The following LAMA1 variants were observed in gnomAD, a reference collection of about 807,000 sequenced individuals.
LAMA1 encodes the protein laminin subunit alpha-1.
A neutral mutation model predicts 348.7 loss-of-function variants in LAMA1; 219 were observed. That is an observed-to-expected ratio of 0.63 (90% CI 0.56 to 0.70). The LOEUF is 0.70. LAMA1 is among the 30% of genes least tolerant of loss of function. The pLI, the probability that LAMA1 is intolerant of heterozygous loss-of-function variation, is 0.00. For synonymous variants in LAMA1, 1,487 were observed against 1,491.0 expected (o/e 1.00, Z 0.06); for missense variants, 3,744 against 3,888.0 (o/e 0.96, Z 0.99).
At position 6,999,957 on chromosome 18, in the gene LAMA1, G is replaced by A. The variant is rs988832361; in HGVS notation, c.4423C>T (p.Arg1475Cys). 8 of 1,614,014 alleles carry A rather than the reference G, an allele frequency of 5.0e-6. No homozygotes were observed. Among genetic ancestry groups the A allele is most frequent in the Non-Finnish European group, 5.9e-6 (7 of 1,179,948 alleles). ...TCVLEGDHDF[R>C]CDACLLGYEG... ...TAGCCCAGGAGACAGGCGTCACAACGGAAATCGTGGTCCCCTTCCAAGACA... is the reference window on the plus strand; with the variant it reads ...TAGCCCAGGAGACAGGCGTCACAACAGAAATCGTGGTCCCCTTCCAAGACA... Residue 1475 changes from arginine (R) to cysteine (C), a missense_variant, in exon 31 of 63, where the codon CGT becomes TGT. Coordinates refer to ENST00000389658, the MANE Select transcript of LAMA1 (RefSeq NM_005559.4).
chr18:7,056,009 G>A (rs1598299759), intron 3 of LAMA1, among the ~76,000 whole-genome samples: 1 of 151,984 alleles, frequency 6.6e-6, no homozygotes, highest in East Asian at 1.9e-4. Flanking sequence ...GAACCCGGGA[G>A]GCAGAGCTTG....
chr18:7,008,586 C>T lies in LAMA1; in HGVS notation c.4024G>A (p.Val1342Ile). The T allele has an allele frequency of 1.2e-6, 2 of 1,614,038 alleles. No individual in the cohort carries two copies. Among genetic ancestry groups the T allele is most frequent in the East Asian group, 2.2e-5 (1 of 44,868 alleles). ...QSRISDISME[V>I]GRKAEKLHPE... ...TGCAGCTTTTCAGCCTTTCTGCCAACCTCCATTGAAATGTCTGAGATTCTG... is the reference window on the plus strand; with the variant it reads ...TGCAGCTTTTCAGCCTTTCTGCCAATCTCCATTGAAATGTCTGAGATTCTG... The change falls in exon 28 of 63, where the codon GTT becomes ATT. Residue 1342 changes from valine to isoleucine, a missense_variant. Transcript: ENST00000389658.
At chr18:6,976,980 A>G (rs1407398840) in intron 44 of LAMA1, among the ~76,000 whole-genome samples, 1 of 152,194 alleles carries the variant, frequency 6.6e-6, no homozygotes, top group Non-Finnish European at 1.5e-5. Flanking sequence ...TTCCTTTTCC[A>G]ATAGCAAGGA....
chr18:6,999,626 G>T lies in LAMA1; in HGVS notation c.4482C>A (p.Ser1494Arg). Reference sequence around the variant, plus strand: ...CTGGTGTTTGAGGGTTCCCATAATAGCTTGAGGAGCACCTACAGAAAGGAA... The same window carrying T: ...CTGGTGTTTGAGGGTTCCCATAATATCTTGAGGAGCACCTACAGAAAGGAA... ...EGKHCERCSSSYYGNPQTPGG... is the reference protein window; with the variant it reads ...EGKHCERCSSRYYGNPQTPGG... The change falls in exon 32 of 63, where the codon AGC (serine) becomes AGA (arginine). Residue 1494 changes from serine (S) to arginine (R), a missense_variant. Ser to Arg is a moderately radical substitution (Grantham distance 110). Coordinates refer to ENST00000389658, the MANE Select transcript of LAMA1 (RefSeq NM_005559.4). 2 of 1,612,024 alleles carry T rather than the reference G, an allele frequency of 1.2e-6. No homozygotes were observed. The highest frequency in any genetic ancestry group is 1.1e-5 in the South Asian group (1 of 90,692).
At chr18:6,944,316 C>G (rs556944625) in intron 61 of LAMA1, among the ~76,000 whole-genome samples, 2 of 152,138 alleles carry the variant, frequency 1.3e-5, no homozygotes, top group African/African-American at 4.8e-5. Context: ...GCACCTGGCC[C>G]GGTCATACCT....
At chr18:6,948,373 A>T (rs1188496093) in intron 60 of LAMA1, 30 bp downstream of exon 60, 1 of 1,614,026 alleles carries the variant, frequency 6.2e-7, no homozygotes, top group African/African-American at 1.3e-5. Flanking sequence ...TCATTCGGGG[A>T]CTGCCTTCGA....
intron 3 of LAMA1, among the ~76,000 whole-genome samples, chr18:7,053,996 C>T (rs560921794): frequency 5.9e-5 from 9 of 152,210 alleles, no homozygotes; most frequent in African/African-American, 1.9e-4. Flanking sequence ...GTCTCAAACT[C>T]CTGGGCTCAA....
intron 3 of LAMA1, among the ~76,000 whole-genome samples, chr18:7,072,730 G>A (rs1389043508): frequency 6.6e-6 from 1 of 152,124 alleles, no homozygotes; most frequent in East Asian, 1.9e-4. Context: ...TGTTTCTGTT[G>A]GTATACTGGT....
chr18:6,955,052 AAT>A, intron 57 of LAMA1: 1 of 421,516 alleles, frequency 2.4e-6, no homozygotes, highest in Non-Finnish European at 4.4e-6. Context: ...AAGTCCAGAC[AAT>A]AATAGATCCA....
At chr18:6,965,571 CT>C (rs1368482533) in intron 49 of LAMA1, 139 bp from the exon 50 acceptor site, 6 of 921,132 alleles carry the variant, frequency 6.5e-6, no homozygotes, top group Non-Finnish European at 1.0e-5. Context: ...GGTCTATCGG[CT>C]ACGAAACCAA....
chr18:7,007,946 T>TC (rs1410863942), intron 28 of LAMA1, among the ~76,000 whole-genome samples: 16 of 152,068 alleles, frequency 1.1e-4, no homozygotes, highest in African/African-American at 3.1e-4. Context: ...TATTTATTTA[T>TC]TTTTGAGACG....
chr18:7,117,251 G>C (rs940464104), intron 1 of LAMA1, among the ~76,000 whole-genome samples: 1 of 151,598 alleles, frequency 6.6e-6, no homozygotes, highest in Non-Finnish European at 1.5e-5. Context: ...CCCCGCGCCC[G>C]GCCAACAGCC....
intron 1 of LAMA1, among the ~76,000 whole-genome samples, chr18:7,085,179 T>G (rs1319108895): frequency 6.6e-6 from 1 of 152,108 alleles, no homozygotes; most frequent in African/African-American, 2.4e-5. Context: ...TTTTCCAGAA[T>G]GAAACAAGAG....
chr18:7,007,342 C>G (rs982324276), intron 28 of LAMA1, 66 bp from the exon 29 acceptor site: 41 of 1,508,782 alleles, frequency 2.7e-5, no homozygotes, highest in African/African-American at 4.1e-5. Flanking sequence ...CTTGAATAGA[C>G]ACTTCTCCAA....
intron 36 of LAMA1, among the ~76,000 whole-genome samples, chr18:6,990,255 G>A (rs184027311): frequency 1.6e-4 from 24 of 152,266 alleles, no homozygotes; most frequent in African/African-American, 5.1e-4. Flanking sequence ...TCCCCTGTAT[G>A]TTCCCAACTC....
chr18:7,101,972 C>T lies in LAMA1; in HGVS notation c.61+15688G>A, dbSNP rs368968390. On this transcript the variant is annotated intron_variant, in intron 1 of 62. Transcript: ENST00000389658. Reference sequence around the variant, plus strand: ...GAGATTATAGGTGTGACCACCACATCTGGCCCCTACAACAGTGACCAAAGG... The same window carrying T: ...GAGATTATAGGTGTGACCACCACATTTGGCCCCTACAACAGTGACCAAAGG... Among the ~76,000 whole-genome samples, 260 of 152,048 alleles carry T rather than the reference C, an allele frequency of 1.7e-3. 1 individual carries two copies. Among genetic ancestry groups the T allele is most frequent in the African/African-American group, 6.0e-3 (247 of 41,476 alleles).
chr18:7,099,282 G>C (rs868769450), intron 1 of LAMA1, among the ~76,000 whole-genome samples: 31 of 150,588 alleles, frequency 2.1e-4, no homozygotes, highest in South Asian at 2.1e-4. Flanking sequence ...TGCTCGTTAA[G>C]AGTCATCACC....
intron 48 of LAMA1, among the ~76,000 whole-genome samples, chr18:6,966,982 T>C (rs1486704742): frequency 6.6e-6 from 1 of 152,204 alleles, no homozygotes; most frequent in Non-Finnish European, 1.5e-5. Context: ...ATCATAATTA[T>C]GTTCCAAAAA....
Position 6,961,757 on chromosome 18 carries a change from G to A in LAMA1, c.7455C>T (p.Pro2485=). 1 of 1,614,150 alleles carries A rather than the reference G, an allele frequency of 6.2e-7. No individual in the cohort carries two copies. The highest frequency in any genetic ancestry group is 8.5e-7 in the Non-Finnish European group (1 of 1,180,018). ...CTTTCAGGAAGCTAACACTCCGGAT[G>A]GGCTGGACACAGAGGAGATGGAACA... ...YGVRKGCLLE[P]IRSVSFLKGG... The change falls in exon 53 of 63, where the codon CCC becomes CCT. Residue 2485 remains proline (P), a splice_region_variant and synonymous_variant. Transcript: ENST00000389658.
Sources: gnomAD v4.1 joint callset for allele counts (sites outside exome capture counted in the v4.1 genomes callset) on GRCh38, gnomAD v4.1.1 for gene constraint, MANE v1.5 for transcripts, NCBI Gene and HGNC (gene_info 2026-07-23, HGNC 2026-07-21) for gene names.